The following TNFRSF11A variants were observed in gnomAD, a reference collection of about 807,000 sequenced individuals.
The protein encoded by TNFRSF11A is TNF receptor superfamily member 11a.
Under a neutral mutation model 55.7 loss-of-function variants are expected in TNFRSF11A, and 32 were observed. That is an observed-to-expected ratio of 0.57 (90% CI 0.43 to 0.77). TNFRSF11A has a LOEUF of 0.77. Ranked by LOEUF, TNFRSF11A falls within the 30% of genes least tolerant of loss-of-function variation. TNFRSF11A has a pLI of 0.00. For synonymous variants in TNFRSF11A, 311 were observed against 331.0 expected (o/e 0.94, Z 0.65); for missense variants, 753 against 809.8 (o/e 0.93, Z 0.85).
chr18:62,335,275 T>A (rs1197460602), intron 1 of TNFRSF11A, among the ~76,000 whole-genome samples: 1 of 110,192 alleles, frequency 9.1e-6, no homozygotes, highest in Non-Finnish European at 2.4e-5. Context: ...ATTTGGCTAA[T>A]TTTTTTTGTA....
In TNFRSF11A at chr18:62,377,350, C is replaced by G. The variant is rs1910970688; in HGVS notation, c.1568-7401C>G. ...TTATGACTACAGCTGCTGTAAACAT[C>G]TGTGTGCAGATTTTTGTGTGGACAT... On this transcript the variant is annotated intron_variant, in intron 9 of 9. Coordinates refer to ENST00000586569, the MANE Select transcript of TNFRSF11A (RefSeq NM_003839.4). Among the ~76,000 whole-genome samples the G allele has an allele frequency of 2.0e-5, 3 of 152,230 alleles. No homozygotes were observed. In the South Asian group the frequency reaches 6.2e-4, roughly 32 times the overall value.
rs1441504187 is a variant in TNFRSF11A, at chr18:62,391,157, C to T, written c.*6123C>T. On this transcript the variant is annotated 3_prime_UTR_variant, in exon 10 of 10. Coordinates refer to ENST00000586569, the MANE Select transcript of TNFRSF11A (RefSeq NM_003839.4). Reference sequence around the variant, plus strand: ...CTTTCCACATAATGTCCTTGAGATCCATCGGTGGGTACACCAGTAGTTCCA... The same window carrying T: ...CTTTCCACATAATGTCCTTGAGATCTATCGGTGGGTACACCAGTAGTTCCA... 6.6e-6 allele frequency: 1 copy of T among 152,248 alleles called. No homozygotes were observed. The highest frequency in any genetic ancestry group is 1.9e-4 in the East Asian group (1 of 5,204). 9.4% of individuals were successfully genotyped at this position (152,248 alleles called of 1,614,324 possible). A position where few individuals can be genotyped will look rare whatever the true frequency, so the allele number is the denominator to read the frequency against.
In TNFRSF11A at chr18:62,385,216, C is replaced by A; in HGVS notation, c.*182C>A. On this transcript the variant is annotated 3_prime_UTR_variant, in exon 10 of 10. Transcript: ENST00000586569. ...TTTTCAGGAAGTGAATTGATGAGGACTGTCCCCATGCCCACGGATGCTCAG... is the reference window on the plus strand; with the variant it reads ...TTTTCAGGAAGTGAATTGATGAGGAATGTCCCCATGCCCACGGATGCTCAG... The A allele has an allele frequency of 1.5e-6, 1 of 663,476 alleles. No individual in the cohort carries two copies. Among genetic ancestry groups the A allele is most frequent in the Non-Finnish European group, 2.3e-6 (1 of 441,678 alleles). The allele number at this position is 663,476 out of a possible 1,614,324, so 41.1% of individuals were successfully genotyped here.
rs534076974 is a variant in TNFRSF11A at position 62,361,723 on chromosome 18, C to A, written c.660C>A (p.Phe220Leu). The A allele has an allele frequency of 3.7e-6, 6 of 1,614,152 alleles. No individual in the cohort carries two copies. Among genetic ancestry groups the A allele is most frequent in the Non-Finnish European group, 5.1e-6 (6 of 1,180,030 alleles). ...CCGGTTTAATAATTCTGCTTCTCTT[C>A]GCGTCTGTGGCCCTGGTGGCTGCCA... ...YLPGLIILLL[F>L]ASVALVAAII... Residue 220 changes from phenylalanine (F) to leucine (L), a missense_variant, in exon 7 of 10, where the codon TTC becomes TTA. Phe to Leu is a conservative substitution (Grantham distance 22, BLOSUM62 0). Transcript: ENST00000586569.
At chr18:62,379,791 G>A (rs1911139056) in intron 9 of TNFRSF11A, among the ~76,000 whole-genome samples, 1 of 152,196 alleles carries the variant, frequency 6.6e-6, no homozygotes, top group Non-Finnish European at 1.5e-5. Flanking sequence ...CAAGGGGTGG[G>A]TGGCTTGAAC....
chr18:62,384,979 G>T lies in TNFRSF11A; in HGVS notation c.1796G>T (p.Arg599Leu). 6.8e-7 allele frequency: 1 copy of T among 1,472,338 alleles called. No individual in the cohort carries two copies. 91.2% of individuals were successfully genotyped at this position (1,472,338 alleles called of 1,614,324 possible). The part of the protein sequence containing the change: ...PDPCGGPEGL[R>L]EPEKASRPVQ... ...CCGTGCGGCGGCCCCGAGGGGCTGC[G>T]GGAGCCGGAGAAGGCCTCGAGGCCG... Residue 599 changes from arginine to leucine, a missense_variant, in exon 10 of 10, where the codon CGG becomes CTG. By Grantham distance (102) the Arg-to-Leu change is moderately radical (BLOSUM62 -2). This residue lies in a region of TNFRSF11A where 567 missense variants were observed against 596.7 expected (regional missense o/e 0.95). Coordinates refer to ENST00000586569, the MANE Select transcript of TNFRSF11A (RefSeq NM_003839.4).
intron 4 of TNFRSF11A, among the ~76,000 whole-genome samples, chr18:62,356,567 T>C (rs942488203): frequency 3.3e-5 from 5 of 152,194 alleles, no homozygotes; most frequent in Non-Finnish European, 7.3e-5. Flanking sequence ...AAACGGTAGA[T>C]GAATGGAAAT....
In TNFRSF11A at chr18:62,385,767, G is replaced by T. The variant is rs189010904; in HGVS notation, c.*733G>T. 6.6e-6 allele frequency: 1 copy of T among 152,114 alleles called. No homozygotes were observed. Among genetic ancestry groups the T allele is most frequent in the Non-Finnish European group, 1.5e-5 (1 of 68,142 alleles). 9.4% of individuals were successfully genotyped at this position (152,114 alleles called of 1,614,324 possible). A position where few individuals can be genotyped will look rare whatever the true frequency, so the allele number is the denominator to read the frequency against. ...CTCCCAAAGTACTGGGATTACAGGC[G>T]TGAGCCCCCACGCTGGCCTGCTTTA... On this transcript the variant is annotated 3_prime_UTR_variant, in exon 10 of 10. Coordinates refer to ENST00000586569, the MANE Select transcript of TNFRSF11A (RefSeq NM_003839.4).
At chr18:62,372,915 A>G (rs1225028858) in intron 9 of TNFRSF11A, 1 of 152,198 alleles carries the variant, frequency 6.6e-6, no homozygotes, top group Non-Finnish European at 1.5e-5. Context: ...TAATTTATTG[A>G]AGGTCCAATT....
chr18:62,384,046 A>AACACACAC (rs58712892), intron 9 of TNFRSF11A, among the ~76,000 whole-genome samples: 33 of 146,046 alleles, frequency 2.3e-4, no homozygotes, highest in East Asian at 1.0e-3. Flanking sequence ...TTCTGTGTTG[A>AACACACAC]ACACACACAC....
At chr18:62,355,609 T>C (rs1048432541) in intron 4 of TNFRSF11A, among the ~76,000 whole-genome samples, 6 of 152,212 alleles carry the variant, frequency 3.9e-5, no homozygotes, top group African/African-American at 1.4e-4. Context: ...ATATTTACTT[T>C]GACTGAGGGT....
At position 62,361,753 on chromosome 18, in the gene TNFRSF11A, C is replaced by T. The variant is rs769170793; in HGVS notation, c.690C>T (p.Ile230=). ...CTGTGGCCCTGGTGGCTGCCATCAT[C>T]TTTGGCGTTTGCTATAGGAAAAAAG... The part of the protein sequence containing the change: ...FASVALVAAI[I]FGVCYRKKGK... Residue 230 remains isoleucine, a synonymous_variant, in exon 7 of 10, where the codon ATC becomes ATT. Transcript: ENST00000586569. 1.9e-6 allele frequency: 3 copies of T among 1,614,164 alleles called. No individual in the cohort carries two copies. The highest frequency in any genetic ancestry group is 1.7e-6 in the Non-Finnish European group (2 of 1,180,028).
In TNFRSF11A at chr18:62,361,721, T is replaced by G. The variant is rs200341009; in HGVS notation, c.658T>G (p.Phe220Val). 1.1e-5 allele frequency: 17 copies of G among 1,614,252 alleles called. No individual in the cohort carries two copies. In the East Asian group the frequency reaches 3.3e-4, roughly 32 times the overall value. ...YLPGLIILLL[F>V]ASVALVAAII... is the part of the protein sequence containing the mutation. Reference sequence around the variant, plus strand: ...GCCCGGTTTAATAATTCTGCTTCTCTTCGCGTCTGTGGCCCTGGTGGCTGC... The same window carrying G: ...GCCCGGTTTAATAATTCTGCTTCTCGTCGCGTCTGTGGCCCTGGTGGCTGC... The change falls in exon 7 of 10, where the codon TTC (phenylalanine) becomes GTC (valine). Residue 220 changes from phenylalanine (F) to valine (V), a missense_variant. Coordinates refer to ENST00000586569, the MANE Select transcript of TNFRSF11A (RefSeq NM_003839.4).
Position 62,385,102 on chromosome 18 carries a change from C to T in TNFRSF11A, c.*68C>T, listed in dbSNP as rs985374091. ...CGCGAGGGCAGCACCGCAGCCTCTG[C>T]CCCAGCCCCGGCCACCCAGGGATCG... On this transcript the variant is annotated 3_prime_UTR_variant, in exon 10 of 10. Coordinates refer to ENST00000586569, the MANE Select transcript of TNFRSF11A (RefSeq NM_003839.4). The T allele has an allele frequency of 3.6e-6, 5 of 1,374,822 alleles. No individual in the cohort carries two copies. Among genetic ancestry groups the T allele is most frequent in the Non-Finnish European group, 4.7e-6 (5 of 1,070,988 alleles). The allele number at this position is 1,374,822 out of a possible 1,614,324, so 85.2% of individuals were successfully genotyped here. A position where few individuals can be genotyped will look rare whatever the true frequency, so the allele number is the denominator to read the frequency against.
Position 62,384,907 on chromosome 18 carries a change from T to C in TNFRSF11A, c.1724T>C (p.Leu575Pro). 1 of 1,570,792 alleles carries C rather than the reference T, an allele frequency of 6.4e-7. No individual in the cohort carries two copies. The highest frequency in any genetic ancestry group is 8.6e-7 in the Non-Finnish European group (1 of 1,159,054). The change falls in exon 10 of 10, where the codon CTG becomes CCG. Residue 575 changes from leucine to proline, a missense_variant. Physicochemically the swap from Leu to Pro is moderately conservative, Grantham distance 98. This residue lies in a region of TNFRSF11A where 567 missense variants were observed against 596.7 expected (regional missense o/e 0.95). Coordinates refer to ENST00000586569, the MANE Select transcript of TNFRSF11A (RefSeq NM_003839.4). ...GGCCGCCCGGTGCAGGAGGAGACCC[T>C]GGCGCGCCGAGACTCCTTCGCGGGG... ...PMGRPVQEET[L>P]ARRDSFAGNG...
intron 9 of TNFRSF11A, among the ~76,000 whole-genome samples, chr18:62,374,834 C>T (rs1910779104): frequency 1.3e-5 from 2 of 152,132 alleles, no homozygotes; most frequent in Admixed American, 6.6e-5. Flanking sequence ...TTTTAACACT[C>T]TCAAGTTACC....
intron 1 of TNFRSF11A, among the ~76,000 whole-genome samples, chr18:62,341,835 G>GATT (rs1568475429): frequency 1.5e-5 from 1 of 68,852 alleles, no homozygotes; most frequent in African/African-American, 7.8e-5. Context: ...GCTGAGAATG[G>GATT]CTTTTTTTTT....
intron 1 of TNFRSF11A, among the ~76,000 whole-genome samples, chr18:62,343,725 G>C (rs528972739): frequency 2.0e-5 from 3 of 152,254 alleles, no homozygotes; most frequent in Non-Finnish European, 4.4e-5. Context: ...GACACAAAAA[G>C]ACACAAGAAA....
chr18:62,347,989 G>T (rs1049762241), intron 1 of TNFRSF11A, among the ~76,000 whole-genome samples, 179 bp from the exon 2 acceptor site: 3 of 151,098 alleles, frequency 2.0e-5, no homozygotes, highest in Non-Finnish European at 4.4e-5. Context: ...AGCCTGGGAG[G>T]TAGAGGTTGC....
Sources: gnomAD v4.1 joint callset for allele counts (sites outside exome capture counted in the v4.1 genomes callset) on GRCh38, gnomAD v4.1.1 for gene constraint, gnomAD v4.1.1 regional missense constraint, MANE v1.5 for transcripts, NCBI Gene and HGNC (gene_info 2026-07-23, HGNC 2026-07-21) for gene names.